The following OSBP2 variants were observed in gnomAD, a reference collection of about 807,000 sequenced individuals.
OSBP2 encodes oxysterol-binding protein 2.
A neutral mutation model predicts 96.0 loss-of-function variants in OSBP2; 66 were observed. The ratio of observed to expected loss-of-function variants is 0.69; its 90% confidence interval spans 0.56 to 0.84. OSBP2 has a LOEUF of 0.84. OSBP2 is among the 40% of genes least tolerant of loss of function. The pLI, the probability that OSBP2 is intolerant of heterozygous loss-of-function variation, is 0.00. For synonymous variants in OSBP2, 525 were observed against 520.9 expected (o/e 1.01, Z -0.11); for missense variants, 1,038 against 1,222.7 (o/e 0.85, Z 2.25).
At chr22:30,800,177 G>A (rs765510638) in intron 2 of OSBP2, among the ~76,000 whole-genome samples, 1 of 152,198 alleles carries the variant, frequency 6.6e-6, no homozygotes, top group Admixed American at 6.5e-5. Flanking sequence ...GCCCCTCTTA[G>A]TGGTATTGTG....
At chr22:30,866,606 G>A (rs1246930186) in intron 2 of OSBP2, among the ~76,000 whole-genome samples, 10 of 152,172 alleles carry the variant, frequency 6.6e-5, no homozygotes, top group South Asian at 2.1e-4. Flanking sequence ...GCATGGTGGC[G>A]CACGCCTGTA....
intron 2 of OSBP2, among the ~76,000 whole-genome samples, chr22:30,768,342 A>G (rs2090304377): frequency 6.6e-6 from 1 of 152,132 alleles, no homozygotes; most frequent in Non-Finnish European, 1.5e-5. Flanking sequence ...GGTTCTTCTT[A>G]TGAAGAGGTC....
rs1018530447 is a variant in OSBP2, at chr22:30,870,048, G to C, written c.854-381G>C. ...TCCATTCTGGGGGCCTCTGTGCCCA[G>C]AGAGCAGTCTCCACCTCTCCACCCA... is the stretch of plus-strand genomic sequence containing the variant. On this transcript the variant is annotated intron_variant, in intron 2 of 13. Transcript: ENST00000332585. The surrounding 1 kb of genome is among the most constrained non-coding windows in gnomAD (Gnocchi z 4.1). 3.3e-5 allele frequency among the ~76,000 whole-genome samples: 5 copies of C among 152,224 alleles called. No homozygotes were observed. Among genetic ancestry groups the C allele is most frequent in the Non-Finnish European group, 7.4e-5 (5 of 68,018 alleles).
chr22:30,893,318 C>A, intron 9 of OSBP2, 76 bp downstream of exon 9: 1 of 1,597,926 alleles, frequency 6.3e-7, no homozygotes. Context: ...GATGCAAAAG[C>A]CAGCTGGGGG....
intron 1 of OSBP2, 127 bp from the exon 2 acceptor site, chr22:30,741,034 A>G (rs1303607237): frequency 1.3e-6 from 1 of 750,504 alleles, no homozygotes; most frequent in South Asian, 1.9e-5. Context: ...TCATCTCCCA[A>G]CTTTGACTCC....
chr22:30,740,331 A>T (rs1301977786), intron 1 of OSBP2, among the ~76,000 whole-genome samples: 1 of 152,218 alleles, frequency 6.6e-6, no homozygotes, highest in Non-Finnish European at 1.5e-5. Context: ...CAGCTGATCC[A>T]TCAAGTGCAG....
At chr22:30,749,117 A>G (rs1368959323) in intron 2 of OSBP2, among the ~76,000 whole-genome samples, 1 of 152,062 alleles carries the variant, frequency 6.6e-6, no homozygotes, top group Non-Finnish European at 1.5e-5. Flanking sequence ...GACTCTGTCT[A>G]CAAACAAACA....
At chr22:30,874,327 G>T (rs1169348683) in intron 3 of OSBP2, among the ~76,000 whole-genome samples, 1 of 151,540 alleles carries the variant, frequency 6.6e-6, no homozygotes, top group Admixed American at 6.6e-5. Flanking sequence ...CAGGAGAATC[G>T]TTTGAACCCA....
chr22:30,799,408 G>A (rs2090819519), intron 2 of OSBP2, among the ~76,000 whole-genome samples: 1 of 152,248 alleles, frequency 6.6e-6, no homozygotes, highest in Non-Finnish European at 1.5e-5. Context: ...ACAGGCGTGA[G>A]CCGCCACGCC....
chr22:30,719,524 G>A (rs1411448762), intron 1 of OSBP2, among the ~76,000 whole-genome samples: 1 of 152,090 alleles, frequency 6.6e-6, no homozygotes, highest in African/African-American at 2.4e-5. Flanking sequence ...GGAGGCCAAG[G>A]TGAGTGGATC....
chr22:30,764,074 A>G (rs1163636308), intron 2 of OSBP2, among the ~76,000 whole-genome samples: 4 of 152,222 alleles, frequency 2.6e-5, no homozygotes, highest in Non-Finnish European at 5.9e-5. Flanking sequence ...TAAGAAACCG[A>G]TACAGAGCTG....
chr22:30,857,312 C>T (rs758959594), intron 2 of OSBP2, among the ~76,000 whole-genome samples: 13 of 152,120 alleles, frequency 8.5e-5, no homozygotes, highest in Non-Finnish European at 1.6e-4. Context: ...GGGCTTGTTC[C>T]CTGGGAGCTC....
At chr22:30,814,267 C>T (rs1417163342) in intron 2 of OSBP2, among the ~76,000 whole-genome samples, 5 of 151,868 alleles carry the variant, frequency 3.3e-5, no homozygotes, top group Non-Finnish European at 7.4e-5. Context: ...TTCCAGGTGT[C>T]GGGAGGTTTG....
At chr22:30,709,544 TCTCA>T (rs2089310348) in intron 1 of OSBP2, among the ~76,000 whole-genome samples, 1 of 151,792 alleles carries the variant, frequency 6.6e-6, no homozygotes, top group African/African-American at 2.4e-5. Context: ...TGAGACAGAG[TCTCA>T]CTCTGTCTCC....
intron 7 of OSBP2, 33 bp downstream of exon 7, chr22:30,889,669 T>C: frequency 6.2e-7 from 1 of 1,608,338 alleles, no homozygotes; most frequent in Non-Finnish European, 8.5e-7. Flanking sequence ...CCCCGACAGG[T>C]CCTCTGGGGC....
In OSBP2 at chr22:30,708,413, A is replaced by G. The variant is rs2089290255; in HGVS notation, c.644+12860A>G. 2.0e-5 allele frequency among the ~76,000 whole-genome samples: 3 copies of G among 151,414 alleles called. No individual in the cohort carries two copies. In the South Asian group the frequency reaches 6.3e-4, roughly 32 times the overall value. On this transcript the variant is annotated intron_variant, in intron 1 of 13. Transcript: ENST00000332585. The stretch of plus-strand genomic sequence containing the variant: ...ATCTCAGTCCTTCTCAAATCATTTT[A>G]AAGTGAATTCTAAATATGATATTTT...
At position 30,906,418 on chromosome 22, in the gene OSBP2, TG is replaced by T; in HGVS notation, c.*81del. On this transcript the variant is annotated 3_prime_UTR_variant, in exon 14 of 14. Transcript: ENST00000332585. ...TTAATGCACTCAATTTAGTACTGAA[TG>T]GTCTTTCTCCCAGCCCATTCCCAGC... is the stretch of plus-strand genomic sequence containing the variant. The T allele has an allele frequency of 1.4e-6, 2 of 1,445,938 alleles. No homozygotes were observed. The highest frequency in any genetic ancestry group is 1.8e-6 in the Non-Finnish European group (2 of 1,084,370). 89.6% of individuals were successfully genotyped at this position (1,445,938 alleles called of 1,614,324 possible). A position where few individuals can be genotyped will look rare whatever the true frequency, so the allele number is the denominator to read the frequency against.
intron 2 of OSBP2, among the ~76,000 whole-genome samples, chr22:30,829,599 C>T (rs772690013): frequency 1.3e-5 from 2 of 152,156 alleles, no homozygotes; most frequent in Non-Finnish European, 2.9e-5. Context: ...GGATTGCAGG[C>T]GTGAGCCACC....
chr22:30,745,690 ATTAGAG>A (rs1569106637), intron 2 of OSBP2, among the ~76,000 whole-genome samples: 2 of 140,416 alleles, frequency 1.4e-5, no homozygotes, highest in African/African-American at 5.4e-5. Flanking sequence ...AAAAAAAAAA[ATTAGAG>A]TTAGAGTAAA....
Sources: gnomAD v4.1 joint callset for allele counts (sites outside exome capture counted in the v4.1 genomes callset) on GRCh38, gnomAD v4.1.1 for gene constraint, Gnocchi (gnomAD v3.1) non-coding constraint, MANE v1.5 for transcripts, NCBI Gene and HGNC (gene_info 2026-07-23, HGNC 2026-07-21) for gene names.